Variants in ZNFX1 observed in about 807,000 individuals in gnomAD.
ZNFX1 encodes the protein zinc finger NFX1-type containing 1, also known as NFX1-type zinc finger-containing protein 1.
A neutral mutation model predicts 179.8 loss-of-function variants in ZNFX1; 78 were observed. That is an observed-to-expected ratio of 0.43 (90% confidence interval 0.36 to 0.52). ZNFX1 has a LOEUF of 0.52. ZNFX1 is among the 20% of genes least tolerant of loss of function. The pLI, the probability that ZNFX1 is intolerant of heterozygous loss-of-function variation, is 0.00. For missense variants in ZNFX1, 1,927 were observed against 2,386.6 expected, an observed-to-expected ratio of 0.81 and a Z score of 4.01; for synonymous variants, 848 against 868.5, an observed-to-expected ratio of 0.98 and a Z score of 0.42.
At chr20:49,272,806 G>A (rs894795078) in intron 2 of ZNFX1, among the ~76,000 whole-genome samples, 1 of 152,124 alleles carries the variant, frequency 6.6e-6, no homozygotes, top group African/African-American at 2.4e-5. Flanking sequence ...TGAAACTCAA[G>A]TTTTCCTCCT....
chr20:49,271,250 A>T lies in ZNFX1; in HGVS notation c.562T>A (p.Cys188Ser). The change falls in exon 3 of 14, where the codon TGT becomes AGT. Residue 188 changes from cysteine (C) to serine (S), a missense_variant. Cys to Ser is a moderately radical substitution (Grantham distance 112). Transcript: ENST00000396105. ...CTACAAGCCTTCCGAAGAACCTGACAGATGAGCTCAAGGAAGTTAGATTTC... is the reference window on the plus strand; with the variant it reads ...CTACAAGCCTTCCGAAGAACCTGACTGATGAGCTCAAGGAAGTTAGATTTC... ...SMKSNFLELI[C>S]QVLRKACSSK... 1 of 1,614,234 alleles carries T rather than the reference A, an allele frequency of 6.2e-7. No homozygotes were observed. Among genetic ancestry groups the T allele is most frequent in the Non-Finnish European group, 8.5e-7 (1 of 1,180,054 alleles).
At position 49,247,999 on chromosome 20, in the gene ZNFX1, G is replaced by C; in HGVS notation, c.5025C>G (p.His1675Gln). The C allele has an allele frequency of 6.2e-7, 1 of 1,614,112 alleles. No individual in the cohort carries two copies. Among genetic ancestry groups the C allele is most frequent in the Non-Finnish European group, 8.5e-7 (1 of 1,180,026 alleles). The change falls in exon 14 of 14, where the codon CAC (histidine) becomes CAG (glutamine). Residue 1675 changes from histidine to glutamine, a missense_variant. Coordinates refer to ENST00000396105, the MANE Select transcript of ZNFX1 (RefSeq NM_021035.3). ...TCAGGAAGTCTTCAGGAAGCAGCTG[G>C]TGGAGGAGGCTCTTCCTCTCCAGCA... ...KALLERKSLL[H>Q]QLLPEDFLML...
intron 1 of ZNFX1, among the ~76,000 whole-genome samples, chr20:49,276,892 A>C (rs1307960136): frequency 6.6e-6 from 1 of 152,200 alleles, no homozygotes; most frequent in East Asian, 1.9e-4. Flanking sequence ...GCGCAGGCTC[A>C]GTATTTAGAG....
At chr20:49,251,662 G>C in intron 12 of ZNFX1, 40 bp from the exon 13 acceptor site, 1 of 1,527,854 alleles carries the variant, frequency 6.5e-7, no homozygotes, top group East Asian at 2.3e-5. Context: ...CATGGGCAGA[G>C]CACACACGGA....
chr20:49,249,808 G>T, intron 13 of ZNFX1, 97 bp from the exon 14 acceptor site: 2 of 1,356,478 alleles, frequency 1.5e-6, no homozygotes, highest in Non-Finnish European at 2.0e-6. Context: ...CTCTGCTCCA[G>T]AGAGAGACCT....
At chr20:49,268,718 C>T (rs559192925) in intron 3 of ZNFX1, among the ~76,000 whole-genome samples, 2 of 151,914 alleles carry the variant, frequency 1.3e-5, no homozygotes, top group Non-Finnish European at 2.9e-5. Context: ...TACACATGGC[C>T]AACAAGCAGA....
In ZNFX1 at chr20:49,247,959, G is replaced by C. The variant is rs907754399; in HGVS notation, c.5065C>G (p.Leu1689Val). Residue 1689 changes from leucine to valine, a missense_variant, in exon 14 of 14, where the codon CTG becomes GTG. Leu to Val is a conservative substitution (Grantham distance 32). Transcript: ENST00000396105. ...PEDFLMLKEK[L>V]AQKNLSVKDL... ...TTCACTGACAGATTTTTCTGGGCCA[G>C]CTTCTCCTTTAACATCAGGAAGTCT... The C allele has an allele frequency of 6.2e-7, 1 of 1,613,812 alleles. No homozygotes were observed. Among genetic ancestry groups the C allele is most frequent in the Admixed American group, 1.7e-5 (1 of 59,924 alleles).
intron 6 of ZNFX1, among the ~76,000 whole-genome samples, chr20:49,262,139 G>A (rs1355419666): frequency 1.3e-5 from 2 of 151,882 alleles, no homozygotes; most frequent in Non-Finnish European, 2.9e-5. Flanking sequence ...AAAGGGCTGG[G>A]CACGGTGGCT....
At chr20:49,252,312 T>G (rs1980859153) in intron 12 of ZNFX1, among the ~76,000 whole-genome samples, 1 of 151,754 alleles carries the variant, frequency 6.6e-6, no homozygotes, top group African/African-American at 2.4e-5. Context: ...CGGCTAATTT[T>G]TGCATTTTTA....
intron 3 of ZNFX1, among the ~76,000 whole-genome samples, chr20:49,268,019 G>A (rs1175187363): frequency 6.6e-6 from 1 of 151,920 alleles, no homozygotes; most frequent in African/African-American, 2.4e-5. Context: ...GACTACAGGC[G>A]CCTGCCACCA....
chr20:49,248,435 G>C lies in ZNFX1; in HGVS notation c.4589C>G (p.Pro1530Arg). 1 of 1,608,638 alleles carries C rather than the reference G, an allele frequency of 6.2e-7. No individual in the cohort carries two copies. The highest frequency in any genetic ancestry group is 8.5e-7 in the Non-Finnish European group (1 of 1,176,434). Residue 1530 changes from proline (P) to arginine (R), a missense_variant, in exon 14 of 14, where the codon CCC (proline) becomes CGC (arginine). By Grantham distance (103) the Pro-to-Arg change is moderately radical. Coordinates refer to ENST00000396105, the MANE Select transcript of ZNFX1 (RefSeq NM_021035.3). The surrounding 1 kb of genome is among the most constrained non-coding windows in gnomAD (Gnocchi z 4.6). ...HYQCTKLCSE[P>R]CNRPPCYVPC... is the part of the protein sequence containing the mutation. ...CACATAGCATGGGGGTCGGTTGCAG[G>C]GCTCAGAGCAGAGTTTGGTGCACTG...
intron 9 of ZNFX1, 121 bp downstream of exon 9, chr20:49,255,687 G>T: frequency 8.7e-7 from 1 of 1,144,908 alleles, no homozygotes; most frequent in Non-Finnish European, 1.2e-6. Context: ...CTATCACTCA[G>T]CTCAGTGGTG....
Position 49,266,210 on chromosome 20 carries a change from A to T in ZNFX1, c.1927T>A (p.Trp643Arg). ...GGGAACTTCTGGAGGCTAATTTGCCAAACAGACTCGTTGGTTAGGAGGGCC... is the reference window on the plus strand; with the variant it reads ...GGGAACTTCTGGAGGCTAATTTGCCTAACAGACTCGTTGGTTAGGAGGGCC... ...VQALLTNESV[W>R]QISLQKFPIL... is the part of the protein sequence containing the mutation. Residue 643 changes from tryptophan to arginine, a missense_variant, in exon 4 of 14, where the codon TGG (tryptophan) becomes AGG (arginine). By Grantham distance (101) the Trp-to-Arg change is moderately radical. Coordinates refer to ENST00000396105, the MANE Select transcript of ZNFX1 (RefSeq NM_021035.3). 2 of 1,613,238 alleles carry T rather than the reference A, an allele frequency of 1.2e-6. No individual in the cohort carries two copies. The highest frequency in any genetic ancestry group is 1.7e-6 in the Non-Finnish European group (2 of 1,179,690).
At chr20:49,260,065 G>T (rs1981074857) in intron 7 of ZNFX1, among the ~76,000 whole-genome samples, 1 of 152,036 alleles carries the variant, frequency 6.6e-6, no homozygotes, top group Non-Finnish European at 1.5e-5. Context: ...AGTTTTTAAT[G>T]AGCACTTTTC....
chr20:49,260,296 A>C (rs921123630), intron 7 of ZNFX1, among the ~76,000 whole-genome samples, 167 bp downstream of exon 7: 1 of 151,738 alleles, frequency 6.6e-6, no homozygotes, highest in African/African-American at 2.4e-5. Context: ...TCTCAAAAAA[A>C]AAAAAAAAAA....
intron 2 of ZNFX1, among the ~76,000 whole-genome samples, chr20:49,274,237 C>T (rs776195309): frequency 1.1e-4 from 16 of 151,860 alleles, no homozygotes; most frequent in South Asian, 2.1e-4. Context: ...GTAAAACACA[C>T]GAGATTTTGA....
At position 49,270,153 on chromosome 20, in the gene ZNFX1, G is replaced by GC; in HGVS notation, c.1658dup (p.Arg554GlnfsTer30). ...CTATTAAGGGGGTAAAGTCGTATCTGCCCCCCATTAGCAAGTACCTTGGCT... is the reference window on the plus strand; with the variant it reads ...CTATTAAGGGGGTAAAGTCGTATCTGCCCCCCCATTAGCAAGTACCTTGGCT... On this transcript the variant is annotated frameshift_variant, in exon 3 of 14. Coordinates refer to ENST00000396105, the MANE Select transcript of ZNFX1 (RefSeq NM_021035.3). LOFTEE classifies it high-confidence loss of function. The surrounding 1 kb of genome is among the most constrained non-coding windows in gnomAD (Gnocchi z 4.6). The GC allele has an allele frequency of 6.2e-7, 1 of 1,614,016 alleles. No homozygotes were observed. The highest frequency in any genetic ancestry group is 2.2e-5 in the East Asian group (1 of 44,884).
intron 7 of ZNFX1, among the ~76,000 whole-genome samples, chr20:49,259,109 C>CAA (rs1380256614): frequency 5.4e-5 from 5 of 91,880 alleles, no homozygotes; most frequent in Admixed American, 1.1e-4. Context: ...GACTCAGTCT[C>CAA]AAAAAAAAAT....
chr20:49,246,768 T>C lies in ZNFX1; in HGVS notation c.*499A>G, dbSNP rs376267782. 103 of 439,006 alleles carry C rather than the reference T, an allele frequency of 2.3e-4. No homozygotes were observed. The highest frequency in any genetic ancestry group is 1.9e-3 in the African/African-American group (93 of 49,138). 27.2% of individuals were successfully genotyped at this position (439,006 alleles called of 1,614,324 possible). ...GAGATTTGTTAACTTTGCTCTCAGT[T>C]CTGGAGATAAAGTGCTTACTCTAGC... On this transcript the variant is annotated 3_prime_UTR_variant, in exon 14 of 14. Coordinates refer to ENST00000396105, the MANE Select transcript of ZNFX1 (RefSeq NM_021035.3).
Sources: allele counts gnomAD v4.1 joint callset (sites outside exome capture counted in the v4.1 genomes callset), GRCh38; gene constraint gnomAD v4.1.1; non-coding constraint Gnocchi (gnomAD v3.1); transcripts MANE v1.5; gene names NCBI Gene and HGNC (gene_info 2026-07-23, HGNC 2026-07-21).